Variants in MUC3A observed in about 807,000 individuals in gnomAD.
MUC3A encodes the protein mucin 3A, cell surface associated.
In MUC3A, 109 loss-of-function variants were observed where a neutral mutation model predicts 109.0. The observed-to-expected ratio is 1.00, with a 90% CI of 0.86 to 1.17. The LOEUF (loss-of-function observed/expected upper bound fraction) is 1.17, where lower values mean the gene tolerates loss of function less well. Among genes scored for constraint, MUC3A ranks in the 50% most tolerant of loss-of-function variants. MUC3A has a pLI of 0.00. For synonymous variants in MUC3A, 1,398 were observed against 981.4 expected, an observed-to-expected ratio of 1.42 and a Z score of -7.93; for missense variants, 3,537 against 2,469.4, an observed-to-expected ratio of 1.43 and a Z score of -9.16.
chr7:100,961,969 A>G (rs1792346399), intron 3 of MUC3A, among the ~76,000 whole-genome samples: 156 of 1,018 alleles, frequency 0.15, 3 homozygotes, highest in South Asian at 0.28. Flanking sequence ...AACTTACCTC[A>G]CGCCTGTAAT....
rs1197300612 is a variant in MUC3A, at chr7:100,967,343, G to A, written c.*181G>A. The A allele has an allele frequency of 1.9e-5, 18 of 969,040 alleles. No homozygotes were observed. The highest frequency in any genetic ancestry group is 2.7e-5 in the Non-Finnish European group (18 of 661,196). 60.0% of individuals were successfully genotyped at this position (969,040 alleles called of 1,614,324 possible). A position where few individuals can be genotyped will look rare whatever the true frequency, so the allele number is the denominator to read the frequency against. On this transcript the variant is annotated 3_prime_UTR_variant, in exon 12 of 12. Coordinates refer to ENST00000379458, the MANE Select transcript of MUC3A (RefSeq NM_005960.2). Reference sequence around the variant, plus strand: ...CTTCCAACTTGGCTGAAACCCACCTGGAGACGCAGTTCACGTCCAGGCTCT... The same window carrying A: ...CTTCCAACTTGGCTGAAACCCACCTAGAGACGCAGTTCACGTCCAGGCTCT...
At chr7:100,965,913 T>TTCTA in intron 8 of MUC3A, 47 bp downstream of exon 8, 1 of 1,550,922 alleles carries the variant, frequency 6.4e-7, no homozygotes, top group Non-Finnish European at 8.7e-7. Flanking sequence ...CTCCCACTCA[T>TTCTA]TCTAGGATGA....
chr7:100,964,138 A>G, intron 5 of MUC3A: 2 of 394,234 alleles, frequency 5.1e-6, no homozygotes, highest in Non-Finnish European at 9.3e-6. Context: ...GCTTGATGCA[A>G]CAAGAAGAGA....
At chr7:100,966,327 T>C in intron 8 of MUC3A, 59 bp from the exon 9 acceptor site, 6 of 1,259,600 alleles carry the variant, frequency 4.8e-6, no homozygotes, top group Non-Finnish European at 5.9e-6. Flanking sequence ...GGGGCCCAGG[T>C]GCACGGGTGG....
Position 100,956,320 on chromosome 7 carries a change from A to G in MUC3A, c.4541A>G (p.Asn1514Ser). Residue 1514 changes from asparagine (N) to serine (S), a missense_variant, in exon 2 of 12, where the codon AAC (asparagine) becomes AGC (serine). Transcript: ENST00000379458. ...TAETAKTPTT[N>S]LVTTTTKTTS... ...GAAACAGCCAAAACTCCTACCACAA[A>G]CTTGGTAACCACCACCACCAAGACC... is the stretch of plus-strand genomic sequence containing the variant. 3 of 520,742 alleles carry G rather than the reference A, an allele frequency of 5.8e-6. No individual in the cohort carries two copies. The highest frequency in any genetic ancestry group is 3.4e-6 in the Non-Finnish European group (1 of 297,048). The allele number at this position is 520,742 out of a possible 1,614,324, so 32.3% of individuals were successfully genotyped here.
intron 5 of MUC3A, 142 bp from the exon 6 acceptor site, chr7:100,964,550 TCTG>T: frequency 7.4e-7 from 1 of 1,344,002 alleles, no homozygotes; most frequent in Non-Finnish European, 9.9e-7. Flanking sequence ...GGCAGCCCCT[TCTG>T]AAAAGGATGC....
Position 100,954,034 on chromosome 7 carries a change from CA to C in MUC3A, c.2260del (p.Thr754GlnfsTer10). The stretch of plus-strand genomic sequence containing the variant: ...CCCACCTCTCCCTTGGTCTCAACTG[CA>C]AAAACAGCCAAAACTCCTACCACAA... ...LPPTSPLVSTAKTAKTPTTNL... is the reference protein window; with the variant it reads ...LPPTSPLVSTXKTAKTPTTNL... On this transcript the variant is annotated frameshift_variant, in exon 2 of 12. Transcript: ENST00000379458. LOFTEE classifies it high-confidence loss of function. 1 of 491,042 alleles carries C rather than the reference CA, an allele frequency of 2.0e-6. No individual in the cohort carries two copies. The highest frequency in any genetic ancestry group is 4.7e-5 in the South Asian group (1 of 21,090). The allele number at this position is 491,042 out of a possible 1,614,324, so 30.4% of individuals were successfully genotyped here.
rs371994348 is a variant in MUC3A, at chr7:100,959,685, T to C, written c.7906T>C (p.Ser2636Pro). 5 of 1,598,520 alleles carry C rather than the reference T, an allele frequency of 3.1e-6. No individual in the cohort carries two copies. In the South Asian group the frequency reaches 3.3e-5, roughly 11 times the overall value. ...ACAGGTTCCTATTCCTAGCACACAT[T>C]CCTCCACCCTTCAAACAACTCCTTC... is the stretch of plus-strand genomic sequence containing the variant. ...TSQVPIPSTH[S>P]STLQTTPSTP... The change falls in exon 2 of 12, where the codon TCC becomes CCC. Residue 2636 changes from serine to proline, a missense_variant. By Grantham distance (74) the Ser-to-Pro change is moderately conservative. Transcript: ENST00000379458.
intron 3 of MUC3A, among the ~76,000 whole-genome samples, chr7:100,961,763 A>T (rs1792337265): frequency 1.3e-5 from 2 of 152,306 alleles, no homozygotes; most frequent in Non-Finnish European, 2.9e-5. Context: ...CAGTAAAGCG[A>T]GATTTCGCCA....
intron 5 of MUC3A, chr7:100,964,418 C>A (rs1342902424): frequency 2.1e-6 from 1 of 472,162 alleles, no homozygotes; most frequent in Non-Finnish European, 3.7e-6. Context: ...TACAATGATA[C>A]CACTGCACTC....
In MUC3A at chr7:100,957,923, C is replaced by T; in HGVS notation, c.6144C>T (p.Thr2048=). 11 of 662,002 alleles carry T rather than the reference C, an allele frequency of 1.7e-5. No individual in the cohort carries two copies. The highest frequency in any genetic ancestry group is 2.6e-5 in the Non-Finnish European group (10 of 383,974). The allele number at this position is 662,002 out of a possible 1,614,324, so 41.0% of individuals were successfully genotyped here. A position where few individuals can be genotyped will look rare whatever the true frequency, so the allele number is the denominator to read the frequency against. The part of the protein sequence containing the change: ...HSTPSFTSSI[T]TETTSHSTPS... ...CTCCCAGCTTCACTTCTTCGATCAC[C>T]ACCGAGACCACATCCCACAGTACTC... Residue 2048 remains threonine (T), a synonymous_variant, in exon 2 of 12, where the codon ACC becomes ACT. Coordinates refer to ENST00000379458, the MANE Select transcript of MUC3A (RefSeq NM_005960.2).
Position 100,954,323 on chromosome 7 carries a change from A to G in MUC3A, c.2544A>G (p.Thr848=). ...TGACAGACCTCACCTCAGTGTACAC[A>G]GTCTCTAACATGTCTGCAAGGCCAA... ...PMMTDLTSVY[T]VSNMSARPTT... Residue 848 remains threonine (T), a synonymous_variant, in exon 2 of 12, where the codon ACA becomes ACG. Transcript: ENST00000379458. 1 of 375,324 alleles carries G rather than the reference A, an allele frequency of 2.7e-6. No individual in the cohort carries two copies. The highest frequency in any genetic ancestry group is 4.6e-6 in the Non-Finnish European group (1 of 216,950). The allele number at this position is 375,324 out of a possible 1,614,324, so 23.2% of individuals were successfully genotyped here. A position where few individuals can be genotyped will look rare whatever the true frequency, so the allele number is the denominator to read the frequency against.
Position 100,953,387 on chromosome 7 carries a change from A to G in MUC3A, c.1608A>G (p.Ser536=). 2.4e-6 allele frequency: 1 copy of G among 415,116 alleles called. No individual in the cohort carries two copies. The highest frequency in any genetic ancestry group is 4.2e-6 in the Non-Finnish European group (1 of 236,632). The allele number at this position is 415,116 out of a possible 1,614,324, so 25.7% of individuals were successfully genotyped here. ...CCTTCCCAGCAACATATTCATTTTC[A>G]TCTTCCATGTCTGCCAGCAGTGCTG... ...LTTFPATYSF[S]SSMSASSAGT... The change falls in exon 2 of 12, where the codon TCA becomes TCG. Residue 536 remains serine (S), a synonymous_variant. Transcript: ENST00000379458.
chr7:100,950,109 C>T (rs1791892855), intron 1 of MUC3A, among the ~76,000 whole-genome samples: 1 of 152,304 alleles, frequency 6.6e-6, no homozygotes, highest in Non-Finnish European at 1.5e-5. Context: ...CCTCTCCCTC[C>T]CTGACAGCCC....
At position 100,958,213 on chromosome 7, in the gene MUC3A, C is replaced by CCAGCACCAAGACCCCCTCACACAG; in HGVS notation, c.6434_6435insCAGCACCAAGACCCCCTCACACAG (p.Ser2146_Ser2147insThrLysThrProSerHisSerSer). ...GCCACACACAGTACTCCCAACTTCA[C>CCAGCACCAAGACCCCCTCACACAG]TTCTTCAATCACCACCACCGAGACC... On this transcript the variant is annotated inframe_insertion, in exon 2 of 12. Transcript: ENST00000379458. 7.5e-7 allele frequency: 1 copy of CCAGCACCAAGACCCCCTCACACAG among 1,328,578 alleles called. No homozygotes were observed. The highest frequency in any genetic ancestry group is 1.0e-6 in the Non-Finnish European group (1 of 952,430). The allele number at this position is 1,328,578 out of a possible 1,614,324, so 82.3% of individuals were successfully genotyped here.
Position 100,959,802 on chromosome 7 carries a change from A to C in MUC3A, c.8023A>C (p.Thr2675Pro), listed in dbSNP as rs746368130. The change falls in exon 2 of 12, where the codon ACT (threonine) becomes CCT (proline). Residue 2675 changes from threonine to proline, a missense_variant. Coordinates refer to ENST00000379458, the MANE Select transcript of MUC3A (RefSeq NM_005960.2). ...AAGTACGTCTACAAATGCAATCTTGACTTCTTTTAGTACCATCATCTGGTC... is the reference window on the plus strand; with the variant it reads ...AAGTACGTCTACAAATGCAATCTTGCCTTCTTTTAGTACCATCATCTGGTC... ...RGSTSTNAILTSFSTIIWSST... is the reference protein window; with the variant it reads ...RGSTSTNAILPSFSTIIWSST... 3 of 1,592,676 alleles carry C rather than the reference A, an allele frequency of 1.9e-6. No individual in the cohort carries two copies.
Position 100,955,508 on chromosome 7 carries a change from C to T in MUC3A, c.3729C>T (p.Ile1243=), listed in dbSNP as rs991309740. 1.0e-4 allele frequency: 54 copies of T among 527,766 alleles called. No individual in the cohort carries two copies. The highest frequency in any genetic ancestry group is 5.1e-4 in the East Asian group (16 of 31,654). 32.7% of individuals were successfully genotyped at this position (527,766 alleles called of 1,614,324 possible). A position where few individuals can be genotyped will look rare whatever the true frequency, so the allele number is the denominator to read the frequency against. The stretch of plus-strand genomic sequence containing the variant: ...GTGTCATTCCATCTTCCCCCAGCAT[C>T]CAGAATACAGAAACCTCATCCCTTG... ...STSVIPSSPS[I]QNTETSSLVS... is the part of the protein sequence containing the mutation. Residue 1243 remains isoleucine, a synonymous_variant, in exon 2 of 12, where the codon ATC becomes ATT. Transcript: ENST00000379458.
At chr7:100,949,774 G>C in intron 1 of MUC3A, 89 bp downstream of exon 1, 2 of 1,322,542 alleles carry the variant, frequency 1.5e-6, no homozygotes, top group Non-Finnish European at 2.0e-6. Flanking sequence ...TAAGGCCTGG[G>C]GAGGGGGGAT....
Position 100,963,196 on chromosome 7 carries a change from A to C in MUC3A, c.9098A>C (p.Gln3033Pro). The change falls in exon 4 of 12, where the codon CAG (glutamine) becomes CCG (proline). Residue 3033 changes from glutamine (Q) to proline (P), a missense_variant. Gln to Pro is a moderately conservative substitution (Grantham distance 76, BLOSUM62 -1). Transcript: ENST00000379458. ...EVGMEVSVDQ[Q>P]FSPDLNDNTS... Reference sequence around the variant, plus strand: ...GGCATGGAAGTGTCTGTGGATCAGCAGTTCTCGCCGGACCTCAATGACAAC... The same window carrying C: ...GGCATGGAAGTGTCTGTGGATCAGCCGTTCTCGCCGGACCTCAATGACAAC... The C allele has an allele frequency of 6.3e-7, 1 of 1,598,362 alleles. No individual in the cohort carries two copies. The highest frequency in any genetic ancestry group is 8.5e-7 in the Non-Finnish European group (1 of 1,179,766).
Sources: allele counts gnomAD v4.1 joint callset (sites outside exome capture counted in the v4.1 genomes callset), GRCh38; gene constraint gnomAD v4.1.1; transcripts MANE v1.5; gene names NCBI Gene and HGNC (gene_info 2026-07-23, HGNC 2026-07-21).